TMEM232: variants seen among roughly 807,000 people sequenced by gnomAD.
The protein encoded by TMEM232 is transmembrane protein 232.
TMEM232 carries 80 observed loss-of-function variants against 78.8 expected under a neutral mutation model. That is an observed-to-expected ratio of 1.01 (90% CI 0.85 to 1.22). The LOEUF is 1.22. Among genes scored for constraint, TMEM232 ranks in the 50% most tolerant of loss-of-function variants. The probability of loss-of-function intolerance (pLI) is 0.00; values close to 1 mark genes in which losing one functional copy is unlikely to be tolerated. For missense variants in TMEM232, 881 were observed against 742.2 expected (o/e 1.19, Z -2.17); for synonymous variants, 297 against 254.3 (o/e 1.17, Z -1.60).
intron 10 of TMEM232, among the ~76,000 whole-genome samples, chr5:110,573,928 A>G (rs1304435616): frequency 1.3e-5 from 2 of 152,116 alleles, no homozygotes; most frequent in Admixed American, 6.6e-5. Flanking sequence ...TATGTCAGGT[A>G]GGTATGACCT....
rs559407829 is a variant in TMEM232 at position 110,606,271 on chromosome 5, C to A, written c.919G>T (p.Ala307Ser). The change falls in exon 9 of 14, where the codon GCT becomes TCT. Residue 307 changes from alanine (A) to serine (S), a missense_variant. By Grantham distance (99) the Ala-to-Ser change is moderately conservative (BLOSUM62 1). Transcript: ENST00000455884. ...QKKCWLDSVL[A>S]LLVLGEAAKL... ...GCAGCCTCCCCAAGGACCAGTAAAG[C>A]CAGTACTGAATCCAACCTGAAAATT... The A allele has an allele frequency of 2.6e-6, 4 of 1,535,466 alleles. No homozygotes were observed. In the African/African-American group the frequency reaches 5.5e-5, roughly 21 times the overall value.
chr5:110,680,963 T>G (rs1159588815), intron 1 of TMEM232, among the ~76,000 whole-genome samples: 1 of 149,992 alleles, frequency 6.7e-6, no homozygotes, highest in Non-Finnish European at 1.5e-5. Context: ...AGAAAAGGGG[T>G]AAAGAGAGAG....
chr5:110,683,194 T>G (rs1158430946), intron 1 of TMEM232, among the ~76,000 whole-genome samples: 3 of 152,078 alleles, frequency 2.0e-5, no homozygotes, highest in Admixed American at 2.0e-4. Flanking sequence ...AACATGAAAA[T>G]ATTCCAAAAT....
chr5:110,402,398 A>T (rs1755633649), intron 2 of TMEM232, among the ~76,000 whole-genome samples: 1 of 152,128 alleles, frequency 6.6e-6, no homozygotes, highest in South Asian at 2.1e-4. Flanking sequence ...AAATGTGTAT[A>T]TTATTAGAAA....
At chr5:110,550,255 A>G (rs1007055438) in intron 11 of TMEM232, among the ~76,000 whole-genome samples, 1 of 152,174 alleles carries the variant, frequency 6.6e-6, no homozygotes, top group Admixed American at 6.5e-5. Flanking sequence ...ATATCAATTC[A>G]TAATAAAAGT....
At chr5:110,652,222 AAATTC>A (rs951336958) in intron 2 of TMEM232, among the ~76,000 whole-genome samples, 6 of 151,828 alleles carry the variant, frequency 4.0e-5, no homozygotes, top group African/African-American at 1.2e-4. Flanking sequence ...AAATAATAGT[AAATTC>A]AATTCAATTT....
At chr5:110,650,720 A>G (rs1272717023) in intron 2 of TMEM232, among the ~76,000 whole-genome samples, 8 of 152,160 alleles carry the variant, frequency 5.3e-5, no homozygotes, top group Admixed American at 5.2e-4. Context: ...GCCAAAGGAG[A>G]CATTATAACT....
At chr5:110,539,888 G>A (rs1196265624) in intron 11 of TMEM232, among the ~76,000 whole-genome samples, 2 of 152,180 alleles carry the variant, frequency 1.3e-5, no homozygotes, top group African/African-American at 2.4e-5. Context: ...CCCAGAACGA[G>A]TGCAAGCCAT....
intron 12 of TMEM232, among the ~76,000 whole-genome samples, chr5:110,429,611 C>T (rs550296593): frequency 1.1e-4 from 16 of 151,588 alleles, no homozygotes; most frequent in Non-Finnish European, 2.2e-4. Flanking sequence ...TTGTTTTTAT[C>T]TCAGGAAAAC....
At chr5:110,405,846 G>T (rs375833502) in intron 2 of TMEM232, among the ~76,000 whole-genome samples, 1 of 150,832 alleles carries the variant, frequency 6.6e-6, no homozygotes, top group Non-Finnish European at 1.5e-5. Context: ...AGAAAAAATA[G>T]AACATATTTT....
At chr5:110,646,688 G>A (rs1787526431) in intron 2 of TMEM232, among the ~76,000 whole-genome samples, 1 of 151,760 alleles carries the variant, frequency 6.6e-6, no homozygotes, top group Admixed American at 6.6e-5. Flanking sequence ...AGACAAGTGG[G>A]ATTGCATCAA....
At chr5:110,549,605 CAA>C (rs1209595068) in intron 11 of TMEM232, among the ~76,000 whole-genome samples, 1,534 of 45,412 alleles carry the variant, frequency 0.034, 8 homozygotes, top group African/African-American at 0.078. Context: ...GTCCCTGTCT[CAA>C]AAAAAAAAAA....
chr5:110,696,979 C>T (rs1199040757), intron 1 of TMEM232, among the ~76,000 whole-genome samples: 7 of 152,080 alleles, frequency 4.6e-5, no homozygotes, highest in Admixed American at 2.0e-4. Context: ...GAAAAGAGCC[C>T]GCATTGCCAA....
chr5:110,643,434 G>C (rs1787029919), intron 2 of TMEM232, among the ~76,000 whole-genome samples: 1 of 152,018 alleles, frequency 6.6e-6, no homozygotes, highest in South Asian at 2.1e-4. Flanking sequence ...GGAAAATGTA[G>C]AGAGAGTATA....
intron 11 of TMEM232, among the ~76,000 whole-genome samples, chr5:110,537,396 T>C (rs1166661713): frequency 1.4e-4 from 22 of 152,024 alleles, no homozygotes; most frequent in Middle Eastern, 3.2e-3. Flanking sequence ...TGCAATCAGA[T>C]CTATTTTGCA....
intron 10 of TMEM232, among the ~76,000 whole-genome samples, chr5:110,585,505 G>A (rs1778705358): frequency 6.6e-6 from 1 of 152,072 alleles, no homozygotes; most frequent in Non-Finnish European, 1.5e-5. Context: ...CACAATGTTT[G>A]TTGGGAAAAA....
intron 12 of TMEM232, among the ~76,000 whole-genome samples, chr5:110,492,025 G>A (rs1263200263): frequency 6.6e-6 from 1 of 151,640 alleles, no homozygotes; most frequent in Non-Finnish European, 1.5e-5. Context: ...CAATCATACA[G>A]ACAATTGCCA....
chr5:110,576,545 G>A (rs1777590670), intron 10 of TMEM232, among the ~76,000 whole-genome samples: 1 of 151,902 alleles, frequency 6.6e-6, no homozygotes, highest in African/African-American at 2.4e-5. Context: ...AAATCTATAT[G>A]GAATAACAAC....
chr5:110,410,491 TATA>T (rs1280275768), intron 2 of TMEM232, among the ~76,000 whole-genome samples: 1 of 152,114 alleles, frequency 6.6e-6, no homozygotes, highest in Non-Finnish European at 1.5e-5. Context: ...TAAGAACTGA[TATA>T]ATATTTTTTC....
Sources: allele counts gnomAD v4.1 joint callset (sites outside exome capture counted in the v4.1 genomes callset), GRCh38; gene constraint gnomAD v4.1.1; transcripts MANE v1.5; gene names NCBI Gene and HGNC (gene_info 2026-07-23, HGNC 2026-07-21).